Variants in COL4A3 observed in about 807,000 individuals in gnomAD.
COL4A3 encodes the protein collagen alpha-3(IV) chain.
Under a neutral mutation model 217.4 loss-of-function variants are expected in COL4A3, and 135 were observed. The observed-to-expected ratio is 0.62, with a 90% CI of 0.54 to 0.72. The LOEUF (loss-of-function observed/expected upper bound fraction) is 0.72, where lower values mean the gene tolerates loss of function less well. Ranked by LOEUF, COL4A3 falls within the 30% of genes least tolerant of loss-of-function variation. The pLI, the probability that COL4A3 is intolerant of heterozygous loss-of-function variation, is 0.00. For synonymous variants in COL4A3, 690 were observed against 736.3 expected (o/e 0.94, Z 1.02); for missense variants, 1,868 against 2,119.9 (o/e 0.88, Z 2.33).
chr2:227,248,373 T>G, intron 8 of COL4A3, 70 bp from the exon 9 acceptor site: 1 of 913,918 alleles, frequency 1.1e-6, no homozygotes, highest in South Asian at 1.3e-5. Flanking sequence ...AATATAACTT[T>G]GAATAAGCAC....
intron 49 of COL4A3, 59 bp downstream of exon 49, chr2:227,309,135 G>A: frequency 6.2e-7 from 1 of 1,610,598 alleles, no homozygotes; most frequent in Non-Finnish European, 8.5e-7. Flanking sequence ...CCCTTGTAAT[G>A]GAATGAAAGG....
At chr2:227,233,058 G>A (rs980484209) in intron 1 of COL4A3, among the ~76,000 whole-genome samples, 1 of 152,120 alleles carries the variant, frequency 6.6e-6, no homozygotes, top group South Asian at 2.1e-4. Context: ...CTGTCACCCA[G>A]GCTGGAGTGC....
rs1430568143 is a variant in COL4A3 at position 227,293,318 on chromosome 2, G to A, written c.3337+1G>A. On this transcript the variant is annotated splice_donor_variant, in intron 38 of 51. Transcript: ENST00000396578. LOFTEE classifies it high-confidence loss of function. ...AGTCCTGGAAGTCCTGGCCTCCCAG[G>A]TAAGGCTTGAGTTTACAATTCTAAA... 1 of 1,613,798 alleles carries A rather than the reference G, an allele frequency of 6.2e-7. No homozygotes were observed. Among genetic ancestry groups the A allele is most frequent in the Non-Finnish European group, 8.5e-7 (1 of 1,179,984 alleles).
At chr2:227,184,765 A>G (rs1226161997) in intron 1 of COL4A3, among the ~76,000 whole-genome samples, 2 of 152,088 alleles carry the variant, frequency 1.3e-5, no homozygotes, top group Non-Finnish European at 2.9e-5. Context: ...AACCAGATAA[A>G]CCAAATAGAG....
intron 28 of COL4A3, among the ~76,000 whole-genome samples, chr2:227,278,331 A>G (rs1344067097): frequency 6.6e-6 from 1 of 151,404 alleles, no homozygotes; most frequent in East Asian, 1.9e-4. Flanking sequence ...AGTCCTGTCC[A>G]GGATGGCATA....
In COL4A3 at chr2:227,290,887, G is replaced by A. The variant is rs1553762314; in HGVS notation, c.3210+1G>A. 8.7e-6 allele frequency: 14 copies of A among 1,610,882 alleles called. No homozygotes were observed. The highest frequency in any genetic ancestry group is 1.3e-5 in the African/African-American group (1 of 74,998). On this transcript the variant is annotated splice_donor_variant, in intron 37 of 51. Coordinates refer to ENST00000396578, the MANE Select transcript of COL4A3 (RefSeq NM_000091.5). LOFTEE classifies it high-confidence loss of function. Reference sequence around the variant, plus strand: ...AAGGCCAGGACCACCGGGACCAACGGTATATAGGCCACTGAAATATTTACA... The same window carrying A: ...AAGGCCAGGACCACCGGGACCAACGATATATAGGCCACTGAAATATTTACA...
At chr2:227,306,295 TG>T (rs1166422266) in intron 47 of COL4A3, among the ~76,000 whole-genome samples, 1 of 152,194 alleles carries the variant, frequency 6.6e-6, no homozygotes, top group Non-Finnish European at 1.5e-5. Flanking sequence ...AGAGTCAAAC[TG>T]CACTGGCATA....
intron 34 of COL4A3, among the ~76,000 whole-genome samples, chr2:227,285,391 T>C (rs2072258285): frequency 1.3e-5 from 2 of 150,644 alleles, no homozygotes; most frequent in Admixed American, 1.3e-4. Flanking sequence ...ATAGTCCTCA[T>C]CTAACCTGGT....
chr2:227,237,382 C>A (rs1477712558), intron 1 of COL4A3, among the ~76,000 whole-genome samples: 2 of 152,170 alleles, frequency 1.3e-5, no homozygotes, highest in East Asian at 1.9e-4. Flanking sequence ...AAGGTTGGTG[C>A]AAAAGTTATT....
rs201031986 is a variant in COL4A3 at position 227,263,885 on chromosome 2, C to G, written c.1256C>G (p.Ser419Cys). 1.9e-6 allele frequency: 3 copies of G among 1,614,116 alleles called. No individual in the cohort carries two copies. In the Admixed American group the frequency reaches 5.0e-5, roughly 27 times the overall value. ...PGKDAMGTPG[S>C]PGCAGSPGLP... ...AAGGATGCCATGGGGACTCCTGGGT[C>G]CCCAGGTTGTGCTGGTTCACCAGGT... The change falls in exon 21 of 52, where the codon TCC (serine) becomes TGC (cysteine). Residue 419 changes from serine (S) to cysteine (C), a missense_variant. Ser to Cys is a moderately radical substitution (Grantham distance 112). Coordinates refer to ENST00000396578, the MANE Select transcript of COL4A3 (RefSeq NM_000091.5).
chr2:227,279,641 C>A, intron 28 of COL4A3, 152 bp from the exon 29 acceptor site: 1 of 559,612 alleles, frequency 1.8e-6, no homozygotes, highest in Non-Finnish European at 3.1e-6. Context: ...TGATTTGGAA[C>A]TTTTAAAAAA....
intron 43 of COL4A3, among the ~76,000 whole-genome samples, chr2:227,301,147 C>G (rs2073270876): frequency 6.6e-6 from 1 of 152,200 alleles, no homozygotes; most frequent in African/African-American, 2.4e-5. Context: ...TCTCTACCAG[C>G]TGGAATTAAT....
At chr2:227,262,869 A>G (rs1307260048) in intron 20 of COL4A3, among the ~76,000 whole-genome samples, 1 of 152,182 alleles carries the variant, frequency 6.6e-6, no homozygotes, top group Non-Finnish European at 1.5e-5. Context: ...CTAATGTTTG[A>G]TAGCACAGTA....
intron 1 of COL4A3, among the ~76,000 whole-genome samples, chr2:227,188,856 T>C (rs6757415): frequency 0.17 from 25,904 of 152,182 alleles, 2,383 homozygotes; most frequent in Admixed American, 0.25. Flanking sequence ...CCTGTCCTCA[T>C]AGCTTCCAGT....
intron 2 of COL4A3, among the ~76,000 whole-genome samples, chr2:227,239,193 G>T (rs11693898): frequency 0.71 from 107,165 of 151,910 alleles, 39,861 homozygotes; most frequent in East Asian, 0.91. Flanking sequence ...AAAATACTTC[G>T]GGGAGGGGGG....
chr2:227,279,318 T>C (rs774873852), intron 28 of COL4A3, among the ~76,000 whole-genome samples: 13 of 152,052 alleles, frequency 8.5e-5, no homozygotes, highest in Non-Finnish European at 1.9e-4. Context: ...TCCATCTCCA[T>C]GTTGGTCAGG....
At chr2:227,210,255 C>A (rs2067260509) in intron 1 of COL4A3, among the ~76,000 whole-genome samples, 1 of 152,168 alleles carries the variant, frequency 6.6e-6, no homozygotes, top group Admixed American at 6.5e-5. Context: ...AAAGTACAAT[C>A]ATCCATGAAA....
intron 1 of COL4A3, among the ~76,000 whole-genome samples, chr2:227,212,922 A>T (rs2067382024): frequency 6.6e-6 from 1 of 152,226 alleles, no homozygotes; most frequent in African/African-American, 2.4e-5. Flanking sequence ...TTTCTTGACT[A>T]ATTGGAGACT....
At chr2:227,274,151 C>T (rs2071409753) in intron 26 of COL4A3, among the ~76,000 whole-genome samples, 1 of 152,008 alleles carries the variant, frequency 6.6e-6, no homozygotes, top group Non-Finnish European at 1.5e-5. Context: ...GTAGGAGAAT[C>T]GCTTGAACCT....
Sources: allele counts gnomAD v4.1 joint callset (sites outside exome capture counted in the v4.1 genomes callset), GRCh38; gene constraint gnomAD v4.1.1; transcripts MANE v1.5; gene names NCBI Gene and HGNC (gene_info 2026-07-23, HGNC 2026-07-21).